The following UBR4 variants were observed in gnomAD, a reference collection of about 807,000 sequenced individuals.
The protein encoded by UBR4 is ubiquitin protein ligase E3 component n-recognin 4, also known as E3 ubiquitin-protein ligase UBR4.
A neutral mutation model predicts 575.6 loss-of-function variants in UBR4; 124 were observed. The ratio of observed to expected loss-of-function variants is 0.22; its 90% CI spans 0.19 to 0.25. The LOEUF (loss-of-function observed/expected upper bound fraction) is 0.25, where lower values mean the gene tolerates loss of function less well. Ranked by LOEUF, UBR4 falls within the 10% of genes least tolerant of loss-of-function variation. UBR4 has a pLI of 1.00. For missense variants in UBR4, 4,818 were observed against 6,478.8 expected (o/e 0.74, Z 8.80); for synonymous variants, 2,455 against 2,473.7 (o/e 0.99, Z 0.22).
At chr1:19,183,935 A>C in intron 16 of UBR4, 39 bp from the exon 17 acceptor site, 1 of 1,613,842 alleles carries the variant, frequency 6.2e-7, no homozygotes, top group Non-Finnish European at 8.5e-7. Context: ...TTAAGCAGCT[A>C]TTGAATGCAC....
intron 66 of UBR4, 95 bp from the exon 67 acceptor site, chr1:19,122,107 G>A (rs1361605016): frequency 8.0e-7 from 1 of 1,252,482 alleles, no homozygotes. Context: ...CCTGACTTTG[G>A]ACTACACCTG....
Position 19,096,620 on chromosome 1 carries a change from T to G in UBR4, c.13421A>C (p.Lys4474Thr). The change falls in exon 92 of 106, where the codon AAA becomes ACA. Residue 4474 changes from lysine (K) to threonine (T), a missense_variant. Coordinates refer to ENST00000375254, the MANE Select transcript of UBR4 (RefSeq NM_020765.3). ...DEEEDEEEVY[K>T]MAGVMAQCGG... ...ACACTGGGCCATCACACCAGCCATT[T>G]TATACACTTCTTCTTCATCTTCTTC... 6.2e-7 allele frequency: 1 copy of G among 1,613,760 alleles called. No homozygotes were observed. Among genetic ancestry groups the G allele is most frequent in the South Asian group, 1.1e-5 (1 of 91,018 alleles).
intron 69 of UBR4, 126 bp downstream of exon 69, chr1:19,120,054 C>T: frequency 8.5e-7 from 1 of 1,177,012 alleles, no homozygotes; most frequent in South Asian, 1.5e-5. Context: ...CTCTAAAGCA[C>T]AAGAGGATTC....
At chr1:19,081,777 G>GCGGCATCTTCCCTTCTTCC in intron 102 of UBR4, 1 of 715,638 alleles carries the variant, frequency 1.4e-6, no homozygotes. Context: ...GCCCTTCTTC[G>GCGGCATCTTCCCTTCTTCC]CGGCATCTTC....
chr1:19,118,857 C>T lies in UBR4; in HGVS notation c.10541+15G>A, dbSNP rs776124700. On this transcript the variant is annotated intron_variant, in intron 71 of 105. Transcript: ENST00000375254. The stretch of plus-strand genomic sequence containing the variant: ...GACTGAGCTTCCCACAGGTAGAAAG[C>T]AAAACAAAGCTCACTTATAAATGTT... The T allele has an allele frequency of 1.8e-5, 29 of 1,613,806 alleles. No homozygotes were observed. Among genetic ancestry groups the T allele is most frequent in the Non-Finnish European group, 1.0e-5 (12 of 1,179,896 alleles).
chr1:19,121,704 T>C (rs1002758784), intron 67 of UBR4, among the ~76,000 whole-genome samples: 3 of 152,218 alleles, frequency 2.0e-5, no homozygotes, highest in African/African-American at 7.2e-5. Context: ...TGCCACTACC[T>C]GGAGGTCAGA....
chr1:19,090,870 G>A (rs775149539), intron 97 of UBR4, among the ~76,000 whole-genome samples: 14 of 152,090 alleles, frequency 9.2e-5, no homozygotes, highest in East Asian at 3.9e-4. Flanking sequence ...TGAGGGGAGC[G>A]GATCACCTGA....
Position 19,094,038 on chromosome 1 carries a change from C to T in UBR4, c.13848G>A (p.Leu4616=), listed in dbSNP as rs2077785736. The change falls in exon 95 of 106, where the codon CTG becomes CTA. Residue 4616 remains leucine, a synonymous_variant. Transcript: ENST00000375254. Reference sequence around the variant, plus strand: ...AGGAAAGGTACGGGATGATGCGAAGCAGGCCCTGGAGCACACTGGGGTTGG... The same window carrying T: ...AGGAAAGGTACGGGATGATGCGAAGTAGGCCCTGGAGCACACTGGGGTTGG... ...VRSNPSVLQG[L]LRIIPYLSFG... is the part of the protein sequence containing the mutation. The T allele has an allele frequency of 1.2e-6, 2 of 1,614,122 alleles. No homozygotes were observed. Among genetic ancestry groups the T allele is most frequent in the African/African-American group, 2.7e-5 (2 of 75,028 alleles).
At position 19,114,859 on chromosome 1, in the gene UBR4, C is replaced by A; in HGVS notation, c.11154G>T (p.Lys3718Asn). ...CAATGGGATCCACTGCACAGCAAGG[C>A]TTGGCATAGAGCATGAAGTCGAAGC... ...YARFDFMLYA[K>N]PCCAVDPIEN... Residue 3718 changes from lysine to asparagine, a missense_variant, in exon 75 of 106, where the codon AAG (lysine) becomes AAT (asparagine). Coordinates refer to ENST00000375254, the MANE Select transcript of UBR4 (RefSeq NM_020765.3). 1 of 1,614,208 alleles carries A rather than the reference C, an allele frequency of 6.2e-7. No homozygotes were observed. The highest frequency in any genetic ancestry group is 1.3e-5 in the African/African-American group (1 of 75,046).
chr1:19,192,940 A>G (rs61225711), intron 9 of UBR4, among the ~76,000 whole-genome samples: 1 of 151,752 alleles, frequency 6.6e-6, no homozygotes, highest in Admixed American at 6.6e-5. Flanking sequence ...GCACCACCAC[A>G]CCCAGCTAAT....
rs200820616 is a variant in UBR4 at position 19,186,601 on chromosome 1, G to A, written c.1689C>T (p.Ser563=). The part of the protein sequence containing the change: ...KGSMSSDASA[S]TDSNTYYEDD... ...CCTCATAGTAAGTATTGGAGTCGGT[G>A]GAGGCGCTGGCATCGCTGCTCATGG... is the stretch of plus-strand genomic sequence containing the variant. The change falls in exon 14 of 106, where the codon TCC becomes TCT. Residue 563 remains serine (S), a synonymous_variant. Coordinates refer to ENST00000375254, the MANE Select transcript of UBR4 (RefSeq NM_020765.3). 10 of 1,614,124 alleles carry A rather than the reference G, an allele frequency of 6.2e-6. No individual in the cohort carries two copies. In the East Asian group the frequency reaches 2.2e-4, roughly 36 times the overall value.
intron 87 of UBR4, among the ~76,000 whole-genome samples, chr1:19,103,335 C>T (rs2078847484): frequency 6.6e-6 from 1 of 152,190 alleles, no homozygotes. Flanking sequence ...GAGGCCGAGG[C>T]AGGCGGATCA....
At chr1:19,190,312 A>AAAAAAAAAAAAATATATATATATAT in intron 11 of UBR4, among the ~76,000 whole-genome samples, 1 of 79,920 alleles carries the variant, frequency 1.3e-5, no homozygotes, top group African/African-American at 5.3e-5. Context: ...AAAAAAAAAA[A>AAAAAAAAAAAAATATATATATATAT]ATATATATAT....
At chr1:19,145,724 C>A in intron 53 of UBR4, 69 bp downstream of exon 53, 1 of 1,552,170 alleles carries the variant, frequency 6.4e-7, no homozygotes, top group South Asian at 1.2e-5. Context: ...GGCTAACGGT[C>A]ATAGCTGTTC....
intron 15 of UBR4, 131 bp downstream of exon 15, chr1:19,184,968 A>G: frequency 9.1e-7 from 1 of 1,096,086 alleles, no homozygotes; most frequent in Non-Finnish European, 1.3e-6. Flanking sequence ...AAGACATATA[A>G]GTCCTAAGCA....
At chr1:19,193,316 G>T in intron 9 of UBR4, 117 bp downstream of exon 9, 1 of 1,412,634 alleles carries the variant, frequency 7.1e-7, no homozygotes, top group Non-Finnish European at 9.6e-7. Flanking sequence ...TAGTGCCCAG[G>T]GAAAGTAGTG....
chr1:19,207,205 A>G lies in UBR4; in HGVS notation c.176+2868T>C, dbSNP rs576702558. Among the ~76,000 whole-genome samples the G allele has an allele frequency of 3.9e-5, 6 of 152,224 alleles. No individual in the cohort carries two copies. In the South Asian group the frequency reaches 1.0e-3, roughly 26 times the overall value. On this transcript the variant is annotated intron_variant, in intron 1 of 105. Coordinates refer to ENST00000375254, the MANE Select transcript of UBR4 (RefSeq NM_020765.3). ...CTAAAGTGGCAGCCTAGACATCTCA[A>G]CCTCTGATTAGCTAGACAACAAGGC...
At chr1:19,129,912 C>G (rs6660578) in intron 60 of UBR4, among the ~76,000 whole-genome samples, 92,544 of 151,926 alleles carry the variant, frequency 0.61, 28,536 homozygotes, top group East Asian at 0.8. Flanking sequence ...TTTTTATCTT[C>G]AGATTATTTG....
chr1:19,108,522 C>A (rs555126266), intron 81 of UBR4, among the ~76,000 whole-genome samples: 3 of 152,198 alleles, frequency 2.0e-5, no homozygotes, highest in South Asian at 2.1e-4. Flanking sequence ...TTTTGTCACA[C>A]TGAGCATTAA....
Sources: allele counts gnomAD v4.1 joint callset (sites outside exome capture counted in the v4.1 genomes callset), GRCh38; gene constraint gnomAD v4.1.1; transcripts MANE v1.5; gene names NCBI Gene and HGNC (gene_info 2026-07-23, HGNC 2026-07-21).